DAB1: variants seen among roughly 807,000 people sequenced by gnomAD.
The protein encoded by DAB1 is disabled homolog 1.
DAB1 carries 15 observed loss-of-function variants against 64.6 expected under a neutral mutation model. That is an observed-to-expected ratio of 0.23 (90% confidence interval 0.16 to 0.36). DAB1 has a LOEUF of 0.36. DAB1 is among the 10% of genes least tolerant of loss of function. The pLI, the probability that DAB1 is intolerant of heterozygous loss-of-function variation, is 1.00. For synonymous variants in DAB1, 235 were observed against 251.9 expected (o/e 0.93, Z 0.64); for missense variants, 596 against 706.7 (o/e 0.84, Z 1.78).
chr1:58,219,025 C>CTCTCTCTCTGTG (rs376130413), intron 4 of DAB1, among the ~76,000 whole-genome samples: 1,880 of 129,468 alleles, frequency 0.015, 76 homozygotes, highest in African/African-American at 0.052. Context: ...CTCTCTCTCT[C>CTCTCTCTCTGTG]TGTGTGTGTG....
At chr1:57,105,790 T>C (rs11206974) in intron 4 of DAB1, among the ~76,000 whole-genome samples, 3,735 of 152,292 alleles carry the variant, frequency 0.025, 167 homozygotes, top group African/African-American at 0.085. Flanking sequence ...TTTTATTTCC[T>C]TTTCCTTTTT....
chr1:58,283,636 C>T (rs775430124), intron 4 of DAB1, among the ~76,000 whole-genome samples: 15 of 152,182 alleles, frequency 9.9e-5, no homozygotes, highest in Non-Finnish European at 1.8e-4. Flanking sequence ...TCAGTTTCCT[C>T]GGCTGTAAAA....
At chr1:57,284,916 C>G (rs1259929337) in intron 2 of DAB1, among the ~76,000 whole-genome samples, 1 of 152,194 alleles carries the variant, frequency 6.6e-6, no homozygotes, top group Non-Finnish European at 1.5e-5. Flanking sequence ...AAGGTTCACA[C>G]TCGGTTTGAT....
intron 7 of DAB1, among the ~76,000 whole-genome samples, chr1:57,432,017 G>A (rs1378234383): frequency 6.6e-6 from 1 of 151,782 alleles, no homozygotes; most frequent in Non-Finnish European, 1.5e-5. Context: ...AGCTACTCAG[G>A]ATGCTGAGGC....
chr1:58,036,398 GC>G (rs1448287882), intron 5 of DAB1, among the ~76,000 whole-genome samples: 1 of 152,136 alleles, frequency 6.6e-6, no homozygotes, highest in African/African-American at 2.4e-5. Context: ...GGTTGAGCGT[GC>G]CCTGCCACTC....
At chr1:58,373,031 T>C (rs953117204) in intron 3 of DAB1, among the ~76,000 whole-genome samples, 1 of 152,162 alleles carries the variant, frequency 6.6e-6, no homozygotes, top group Non-Finnish European at 1.5e-5. Flanking sequence ...TGTTAATAAT[T>C]CTTAATTCTC....
chr1:57,539,219 T>C (rs990766710), intron 7 of DAB1, among the ~76,000 whole-genome samples: 2 of 152,182 alleles, frequency 1.3e-5, no homozygotes, highest in Admixed American at 6.5e-5. Flanking sequence ...AGAATGAACA[T>C]TTCATCACCC....
chr1:58,485,228 TAAAAAAAAAAAAAAAAA>T (rs71043289), intron 3 of DAB1, among the ~76,000 whole-genome samples: 1 of 42,036 alleles, frequency 2.4e-5, no homozygotes, highest in Non-Finnish European at 4.1e-5. Context: ...AGTCTACTAC[TAAAAAAAAAAAAAAAAA>T]AAAAAAAAAA....
intron 3 of DAB1, among the ~76,000 whole-genome samples, chr1:58,462,206 A>C (rs1645250752): frequency 7.0e-6 from 1 of 142,216 alleles, no homozygotes; most frequent in South Asian, 2.2e-4. Flanking sequence ...GGCTCACTGC[A>C]AGCTCCGCTT....
At chr1:57,940,081 A>G (rs1645080800) in intron 5 of DAB1, among the ~76,000 whole-genome samples, 1 of 152,244 alleles carries the variant, frequency 6.6e-6, no homozygotes, top group Non-Finnish European at 1.5e-5. Flanking sequence ...AACAGAAGGA[A>G]GTAGAACTCC....
chr1:57,229,943 T>C (rs1667546895), intron 2 of DAB1, among the ~76,000 whole-genome samples: 1 of 152,208 alleles, frequency 6.6e-6, no homozygotes, highest in Non-Finnish European at 1.5e-5. Flanking sequence ...ATATGCAAGA[T>C]ACTGGCTACT....
At chr1:57,318,962 G>A (rs959087288) in intron 1 of DAB1, among the ~76,000 whole-genome samples, 4 of 152,090 alleles carry the variant, frequency 2.6e-5, no homozygotes, top group Admixed American at 2.6e-4. Flanking sequence ...CAGCCTCCAT[G>A]TCCACCTGTT....
intron 7 of DAB1, among the ~76,000 whole-genome samples, chr1:57,555,006 C>T (rs1199730935): frequency 6.8e-6 from 1 of 147,850 alleles, no homozygotes; most frequent in African/African-American, 2.5e-5. Context: ...TGTTAGAGCT[C>T]TCAATCTTCG....
Position 57,016,806 on chromosome 1 carries a change from G to T in DAB1, c.896-1375C>A, listed in dbSNP as rs577477121. On this transcript the variant is annotated intron_variant, in intron 11 of 14. Coordinates refer to ENST00000371236, the MANE Select transcript of DAB1 (RefSeq NM_001365792.1). ...AATAGTAACATAGTAACAGCAACAA[G>T]CTCCACTTATTAAATGCCTACAACA... 2.0e-4 allele frequency among the ~76,000 whole-genome samples: 31 copies of T among 152,252 alleles called. No individual in the cohort carries two copies. The South Asian group carries it at 5.2e-3, about 25-fold the overall frequency.
At chr1:57,893,100 A>G (rs746771366) in intron 5 of DAB1, among the ~76,000 whole-genome samples, 20 of 151,008 alleles carry the variant, frequency 1.3e-4, no homozygotes, top group Non-Finnish European at 2.8e-4. Context: ...TGAATATTGC[A>G]GAGAGATTCA....
intron 5 of DAB1, among the ~76,000 whole-genome samples, chr1:58,113,668 C>T (rs534482234): frequency 7.9e-5 from 12 of 151,616 alleles, no homozygotes; most frequent in African/African-American, 2.9e-4. Flanking sequence ...GCAGACTGTG[C>T]TGCTGCAGGA....
intron 3 of DAB1, among the ~76,000 whole-genome samples, chr1:58,500,826 T>A (rs967641719): frequency 4.6e-5 from 7 of 152,220 alleles, no homozygotes; most frequent in Non-Finnish European, 7.3e-5. Context: ...TCAGTCTAAA[T>A]GTTTTCAGTT....
intron 2 of DAB1, among the ~76,000 whole-genome samples, chr1:57,205,963 A>G (rs777912740): frequency 6.6e-6 from 1 of 152,202 alleles, no homozygotes; most frequent in Non-Finnish European, 1.5e-5. Flanking sequence ...GCTCTCTCCA[A>G]CACCAATTCA....
intron 5 of DAB1, among the ~76,000 whole-genome samples, chr1:57,937,419 G>C (rs1645041892): frequency 6.6e-6 from 1 of 152,116 alleles, no homozygotes; most frequent in Non-Finnish European, 1.5e-5. Flanking sequence ...AGAAGGCAAA[G>C]CTGAGCTAGA....
Sources: gnomAD v4.1 joint callset for allele counts (sites outside exome capture counted in the v4.1 genomes callset) on GRCh38, gnomAD v4.1.1 for gene constraint, MANE v1.5 for transcripts, NCBI Gene and HGNC (gene_info 2026-07-23, HGNC 2026-07-21) for gene names.